SSBP3: variants seen among roughly 807,000 people sequenced by gnomAD.
SSBP3 encodes single stranded DNA binding protein 3.
A neutral mutation model predicts 69.6 loss-of-function variants in SSBP3; 5 were observed. The observed-to-expected ratio is 0.07, with a 90% CI of 0.04 to 0.15. The LOEUF (loss-of-function observed/expected upper bound fraction) is 0.15. SSBP3 is among the 10% of genes least tolerant of loss of function. SSBP3 has a pLI of 1.00. For synonymous variants in SSBP3, 196 were observed against 193.4 expected (o/e 1.01, Z -0.11); for missense variants, 312 against 534.0 (o/e 0.58, Z 4.10).
chr1:54,227,752 A>G (rs11589005), intron 17 of SSBP3, among the ~76,000 whole-genome samples: 18,878 of 152,090 alleles, frequency 0.12, 1,310 homozygotes, highest in South Asian at 0.25. Flanking sequence ...TAATTTTTGT[A>G]TTTTTATGTA....
chr1:54,407,749 ATTTT>A (rs532968816), upstream of SSBP3, among the ~76,000 whole-genome samples: 26,130 of 97,086 alleles, frequency 0.27, 3,507 homozygotes, highest in Non-Finnish European at 0.33. Context: ...GCCTAGGTTG[ATTTT>A]TTTTTTTTTT....
At chr1:54,399,003 T>G (rs1454728937) in intron 4 of SSBP3, among the ~76,000 whole-genome samples, 2 of 152,190 alleles carry the variant, frequency 1.3e-5, no homozygotes, top group African/African-American at 2.4e-5. Flanking sequence ...GTTAATTGAC[T>G]TCAAAATCAC....
chr1:54,330,419 A>G (rs11206335), intron 4 of SSBP3, among the ~76,000 whole-genome samples: 44,004 of 152,054 alleles, frequency 0.29, 9,394 homozygotes, highest in African/African-American at 0.58. Context: ...CTCCACGGCC[A>G]TCCATTCCCA....
At chr1:54,348,365 C>T (rs1646726114) in intron 4 of SSBP3, among the ~76,000 whole-genome samples, 2 of 151,154 alleles carry the variant, frequency 1.3e-5, no homozygotes, top group East Asian at 3.9e-4. Flanking sequence ...CAAGCAACAA[C>T]AGGAAGTAGA....
At chr1:54,389,694 CA>C (rs113181025) in intron 4 of SSBP3, among the ~76,000 whole-genome samples, 3,765 of 148,964 alleles carry the variant, frequency 0.025, 91 homozygotes, top group African/African-American at 0.055. Context: ...CTGTCTCTAC[CA>C]AAAAAAAATA....
chr1:54,256,251 T>C (rs1644919401), intron 7 of SSBP3, among the ~76,000 whole-genome samples: 1 of 152,220 alleles, frequency 6.6e-6, no homozygotes, highest in Non-Finnish European at 1.5e-5. Context: ...GGGCTGGATG[T>C]GCTGGCGCTT....
At chr1:54,263,590 G>C (rs549592984) in intron 5 of SSBP3, among the ~76,000 whole-genome samples, 2 of 152,350 alleles carry the variant, frequency 1.3e-5, no homozygotes, top group South Asian at 4.1e-4. Flanking sequence ...GCAGGAGCTT[G>C]ACGTCTGGCC....
intron 17 of SSBP3, 66 bp downstream of exon 17, chr1:54,228,189 G>GC (rs1644319483): frequency 6.8e-7 from 1 of 1,465,140 alleles, no homozygotes; most frequent in Non-Finnish European, 9.6e-7. Context: ...TCCGTAGCTC[G>GC]CAACTTGTTA....
At chr1:54,242,055 C>T in intron 11 of SSBP3, 109 bp downstream of exon 11, 3 of 1,288,718 alleles carry the variant, frequency 2.3e-6, no homozygotes, top group South Asian at 1.3e-5. Flanking sequence ...TCAGGAGAGT[C>T]CTGCTGCATC....
chr1:54,390,661 A>C (rs1263089321), intron 4 of SSBP3, among the ~76,000 whole-genome samples: 1 of 152,224 alleles, frequency 6.6e-6, no homozygotes, highest in South Asian at 2.1e-4. Flanking sequence ...TGAAACCATC[A>C]ATTGGCCAAT....
rs1270091912 is a variant in SSBP3 at position 54,319,248 on chromosome 1, C to T, written c.277-37721G>A. On this transcript the variant is annotated intron_variant, in intron 4 of 17. Transcript: ENST00000610401. ...AAGAGCTAACATCCTTCTCAAACAG[C>T]TTCTAAATGATGAGCCAGATAGACT... Among the ~76,000 whole-genome samples, 3 of 152,278 alleles carry T rather than the reference C, an allele frequency of 2.0e-5. No individual in the cohort carries two copies. The East Asian group carries it at 5.8e-4, about 29-fold the overall frequency.
chr1:54,238,238 C>G (rs1390678715), intron 14 of SSBP3: 1 of 471,104 alleles, frequency 2.1e-6, no homozygotes. Flanking sequence ...GGTGTCACCT[C>G]AGGAACGGAG....
chr1:54,372,273 A>G (rs903074975), intron 4 of SSBP3, among the ~76,000 whole-genome samples: 2 of 152,214 alleles, frequency 1.3e-5, no homozygotes, highest in African/African-American at 4.8e-5. Context: ...GAAAGCACTG[A>G]GAACAGGGGC....
chr1:54,227,185 G>C lies in SSBP3; in HGVS notation c.1138-25C>G, dbSNP rs59695718. The C allele has an allele frequency of 5.8e-5, 69 of 1,193,962 alleles. 5 individuals carry two copies. The highest frequency in any genetic ancestry group is 9.0e-5 in the Admixed American group (5 of 55,856). 74.0% of individuals were successfully genotyped at this position (1,193,962 alleles called of 1,614,324 possible). On this transcript the variant is annotated intron_variant, in intron 17 of 17. Coordinates refer to ENST00000610401, the Ensembl canonical transcript of SSBP3. ...ACTGGAAAGGAGAAGCAGAGAAGGG[G>C]GGGGGGTGAGGATTGTGGGGAGGCC...
intron 4 of SSBP3, among the ~76,000 whole-genome samples, chr1:54,374,501 C>G (rs2100693393): frequency 6.6e-6 from 1 of 152,344 alleles, no homozygotes; most frequent in East Asian, 1.9e-4. Context: ...AGAACTGACA[C>G]CAAACACCTC....
chr1:54,283,905 T>C (rs1479720890), intron 4 of SSBP3, among the ~76,000 whole-genome samples: 4 of 152,084 alleles, frequency 2.6e-5, no homozygotes, highest in Non-Finnish European at 5.9e-5. Flanking sequence ...TGCATTACTG[T>C]TTTTCTGTGG....
chr1:54,280,502 T>G (rs980698753), intron 5 of SSBP3, among the ~76,000 whole-genome samples: 1 of 152,192 alleles, frequency 6.6e-6, no homozygotes, highest in African/African-American at 2.4e-5. Flanking sequence ...CTTTCCATGT[T>G]CTTATCTGGG....
intron 4 of SSBP3, among the ~76,000 whole-genome samples, chr1:54,359,231 G>T (rs1016066569): frequency 8.8e-6 from 1 of 113,418 alleles, no homozygotes; most frequent in Non-Finnish European, 1.9e-5. Context: ...AAAAAAAAAA[G>T]CTGTCATAGG....
rs768405555 is a variant in SSBP3, at chr1:54,227,125, G to T, written c.*6C>A. The stretch of plus-strand genomic sequence containing the variant: ...CTGCTCTCTCAGCGTCTCGGAGAAG[G>T]GGGGATCACACACTCATCGTCATGC... On this transcript the variant is annotated 3_prime_UTR_variant, in exon 18 of 18. Coordinates refer to ENST00000610401, the Ensembl canonical transcript of SSBP3. 35 of 1,590,728 alleles carry T rather than the reference G, an allele frequency of 2.2e-5. No individual in the cohort carries two copies. In the Middle Eastern group the frequency reaches 5.1e-4, roughly 23 times the overall value.
Sources: gnomAD v4.1 joint callset for allele counts (sites outside exome capture counted in the v4.1 genomes callset) on GRCh38, gnomAD v4.1.1 for gene constraint, MANE v1.5 for transcripts, NCBI Gene and HGNC (gene_info 2026-07-23, HGNC 2026-07-21) for gene names.